The following EFCAB5 variants were observed in gnomAD, a reference collection of about 807,000 sequenced individuals.
EFCAB5 encodes EF-hand calcium-binding domain-containing protein 5.
A neutral mutation model predicts 167.9 loss-of-function variants in EFCAB5; 131 were observed. The observed-to-expected ratio is 0.78, with a 90% confidence interval of 0.68 to 0.90. The LOEUF is 0.90. Ranked by LOEUF, EFCAB5 falls within the 40% of genes least tolerant of loss-of-function variation. The pLI is 0.00. For missense variants in EFCAB5, 1,663 were observed against 1,745.2 expected, an observed-to-expected ratio of 0.95 and a Z score of 0.84; for synonymous variants, 574 against 602.8, an observed-to-expected ratio of 0.95 and a Z score of 0.70.
intron 3 of EFCAB5, among the ~76,000 whole-genome samples, chr17:29,965,013 T>C (rs1226696290): frequency 2.6e-5 from 4 of 151,926 alleles, no homozygotes; most frequent in Non-Finnish European, 5.9e-5. Flanking sequence ...ACCATTCTCC[T>C]GCCTCAGCCT....
chr17:30,008,141 A>G (rs1329728613), intron 7 of EFCAB5, among the ~76,000 whole-genome samples: 1 of 152,220 alleles, frequency 6.6e-6, no homozygotes, highest in Non-Finnish European at 1.5e-5. Context: ...TAAGCTAAAC[A>G]TCTAATATAA....
At chr17:29,980,129 A>C (rs1451660970) in intron 4 of EFCAB5, among the ~76,000 whole-genome samples, 1 of 152,206 alleles carries the variant, frequency 6.6e-6, no homozygotes, top group Non-Finnish European at 1.5e-5. Flanking sequence ...AGATCAGGCC[A>C]TTGCACTCCA....
intron 4 of EFCAB5, among the ~76,000 whole-genome samples, chr17:29,981,211 C>T (rs1417223356): frequency 6.6e-6 from 1 of 152,126 alleles, no homozygotes; most frequent in Non-Finnish European, 1.5e-5. Context: ...GAATAAAGAA[C>T]AAAATTCTTA....
intron 3 of EFCAB5, among the ~76,000 whole-genome samples, chr17:29,955,618 A>G (rs1185658838): frequency 6.6e-6 from 1 of 152,150 alleles, no homozygotes; most frequent in African/African-American, 2.4e-5. Context: ...CAAGGAAGTG[A>G]AAGATCTCTA....
upstream of EFCAB5, among the ~76,000 whole-genome samples, chr17:29,936,674 C>T (rs1373976273): frequency 6.6e-6 from 1 of 152,150 alleles, no homozygotes; most frequent in Admixed American, 6.5e-5. Context: ...ATAACTGGCA[C>T]TTGATTGATA....
chr17:29,930,144 A>G, intron 1 of EFCAB5: 1 of 749,010 alleles, frequency 1.3e-6, no homozygotes, highest in Non-Finnish European at 2.2e-6. Context: ...GAACGGCCGC[A>G]GACTCCGCAC....
chr17:30,065,100 T>C (rs139454271), intron 14 of EFCAB5, among the ~76,000 whole-genome samples: 64 of 151,898 alleles, frequency 4.2e-4, no homozygotes, highest in African/African-American at 1.5e-3. Context: ...AATATGATAA[T>C]CCCTATCATG....
chr17:29,953,360 T>C (rs1380060294), intron 3 of EFCAB5, among the ~76,000 whole-genome samples: 4 of 152,200 alleles, frequency 2.6e-5, no homozygotes, highest in Non-Finnish European at 5.9e-5. Flanking sequence ...AAATATTGAA[T>C]TGTAGCTCCC....
intron 22 of EFCAB5, among the ~76,000 whole-genome samples, chr17:30,105,778 A>G (rs1401283652): frequency 6.6e-6 from 1 of 152,182 alleles, no homozygotes; most frequent in Admixed American, 6.5e-5. Context: ...GAACACTTAT[A>G]ATTGAATGAG....
chr17:29,975,163 A>AC (rs1436602039), intron 4 of EFCAB5, among the ~76,000 whole-genome samples: 1 of 152,130 alleles, frequency 6.6e-6, no homozygotes, highest in Non-Finnish European at 1.5e-5. Context: ...TAATTTGCTG[A>AC]CCTTTTGTCT....
At chr17:29,940,570 A>G (rs1391042119), upstream of EFCAB5, among the ~76,000 whole-genome samples, 2 of 152,210 alleles carry the variant, frequency 1.3e-5, no homozygotes, top group Non-Finnish European at 2.9e-5. Context: ...CAAAGAAATG[A>G]GGCTGTTGAG....
intron 4 of EFCAB5, among the ~76,000 whole-genome samples, chr17:29,981,434 A>G (rs991368439): frequency 6.6e-5 from 10 of 152,142 alleles, no homozygotes; most frequent in Non-Finnish European, 1.3e-4. Context: ...CCCATCCTTT[A>G]GAGTTCAGGC....
At chr17:29,994,087 G>A (rs1363951022) in intron 5 of EFCAB5, among the ~76,000 whole-genome samples, 1 of 144,536 alleles carries the variant, frequency 6.9e-6, no homozygotes, top group East Asian at 2.0e-4. Context: ...CTGGGGAACA[G>A]AGAGGGACTA....
intron 4 of EFCAB5, 44 bp downstream of exon 4, chr17:29,969,411 T>C (rs369138931): frequency 1.2e-5 from 17 of 1,444,532 alleles, no homozygotes; most frequent in Non-Finnish European, 1.1e-5. Context: ...TCTCCTTACA[T>C]TGAAAAACTA....
chr17:30,048,120 T>A (rs1019802596), intron 8 of EFCAB5, among the ~76,000 whole-genome samples: 1 of 152,200 alleles, frequency 6.6e-6, no homozygotes, highest in African/African-American at 2.4e-5. Flanking sequence ...AGATGTCAGA[T>A]AATAAATGCT....
At chr17:30,056,946 C>T (rs1311589444) in intron 12 of EFCAB5, among the ~76,000 whole-genome samples, 1 of 151,984 alleles carries the variant, frequency 6.6e-6, no homozygotes, top group Non-Finnish European at 1.5e-5. Context: ...TTTTTAATCA[C>T]ATCAAATCTC....
intron 14 of EFCAB5, among the ~76,000 whole-genome samples, chr17:30,062,351 C>A (rs898596569): frequency 6.6e-6 from 1 of 152,170 alleles, no homozygotes; most frequent in African/African-American, 2.4e-5. Context: ...GTCTCCACTA[C>A]CCCATCCCCC....
Position 30,092,990 on chromosome 17 carries a change from GT to G in EFCAB5, c.4321+56del, listed in dbSNP as rs1180313716. ...TCTATGCCAACAGCAATAAAACACA[GT>G]TGTGATTTTTATTAGGATAAAGCAA... On this transcript the variant is annotated intron_variant, in intron 22 of 22. Transcript: ENST00000394835. The G allele has an allele frequency of 7.2e-6, 10 of 1,387,116 alleles. No individual in the cohort carries two copies. In the African/African-American group the frequency reaches 1.3e-4, roughly 18 times the overall value. 85.9% of individuals were successfully genotyped at this position (1,387,116 alleles called of 1,614,324 possible). A position where few individuals can be genotyped will look rare whatever the true frequency, so the allele number is the denominator to read the frequency against.
chr17:30,083,917 T>G (rs1328501736), intron 18 of EFCAB5, among the ~76,000 whole-genome samples: 1 of 152,196 alleles, frequency 6.6e-6, no homozygotes, highest in Non-Finnish European at 1.5e-5. Flanking sequence ...TTTTAAGCCC[T>G]CCTATCCATA....
Sources: allele counts gnomAD v4.1 joint callset (sites outside exome capture counted in the v4.1 genomes callset), GRCh38; gene constraint gnomAD v4.1.1; transcripts MANE v1.5; gene names NCBI Gene and HGNC (gene_info 2026-07-23, HGNC 2026-07-21).